BAZ1B: variants seen among roughly 807,000 people sequenced by gnomAD.
The protein encoded by BAZ1B is bromodomain adjacent to zinc finger domain 1B, also known as tyrosine-protein kinase BAZ1B.
In BAZ1B, 22 loss-of-function variants were observed where a neutral mutation model predicts 153.8. That is an observed-to-expected ratio of 0.14 (90% CI 0.10 to 0.20). The LOEUF (loss-of-function observed/expected upper bound fraction) is 0.20. Ranked by LOEUF, BAZ1B falls within the 10% of genes least tolerant of loss-of-function variation. BAZ1B has a pLI of 1.00. For missense variants in BAZ1B, 1,325 were observed against 1,799.3 expected (o/e 0.74, Z 4.77); for synonymous variants, 676 against 633.4 (o/e 1.07, Z -1.01).
At chr7:73,521,385 G>C (rs1308617979) in intron 1 of BAZ1B, among the ~76,000 whole-genome samples, 1 of 152,144 alleles carries the variant, frequency 6.6e-6, no homozygotes, top group Non-Finnish European at 1.5e-5. Context: ...ACGAGGCCGC[G>C]CGAGTACAAT....
At chr7:73,458,496 T>C (rs799218) in intron 13 of BAZ1B, among the ~76,000 whole-genome samples, 1,903 of 151,972 alleles carry the variant, frequency 0.013, 42 homozygotes, top group African/African-American at 0.044. Context: ...GCCAACATGG[T>C]GAAACCCCGT....
chr7:73,515,589 G>A (rs1471956535), intron 1 of BAZ1B, among the ~76,000 whole-genome samples: 3 of 145,844 alleles, frequency 2.1e-5, no homozygotes, highest in African/African-American at 7.7e-5. Flanking sequence ...CCAAGCTGGA[G>A]TGCAATAGCA....
Position 73,441,685 on chromosome 7 carries a change from T to C in BAZ1B, c.*24A>G, listed in dbSNP as rs1217675242. The C allele has an allele frequency of 1.3e-5, 2 of 157,536 alleles. No individual in the cohort carries two copies. The highest frequency in any genetic ancestry group is 4.8e-5 in the African/African-American group (2 of 41,510). The allele number at this position is 157,536 out of a possible 1,614,324, so 9.8% of individuals were successfully genotyped here. ...CACAATTCTGTATGGCACTCACTGATACTGTCACCTGAGAGGAAGACGGGG... is the reference window on the plus strand; with the variant it reads ...CACAATTCTGTATGGCACTCACTGACACTGTCACCTGAGAGGAAGACGGGG... On this transcript the variant is annotated 3_prime_UTR_variant, in exon 20 of 20. Transcript: ENST00000339594.
intron 3 of BAZ1B, among the ~76,000 whole-genome samples, chr7:73,504,531 G>A (rs931613482): frequency 2.0e-5 from 3 of 152,124 alleles, no homozygotes; most frequent in Non-Finnish European, 4.4e-5. Context: ...AGGCATGGTG[G>A]CAGGTGCCTG....
chr7:73,466,619 G>A (rs1554571193), intron 9 of BAZ1B, among the ~76,000 whole-genome samples: 1 of 152,120 alleles, frequency 6.6e-6, no homozygotes, highest in African/African-American at 2.4e-5. Context: ...AAGTGGAATC[G>A]TTACACAGTT....
In BAZ1B at chr7:73,506,356, G is replaced by A. The variant is rs534514878; in HGVS notation, c.369+1971C>T. Reference sequence around the variant, plus strand: ...TATTAAAAATACAAAAAAATTAGCCGGGGGTGGTGGTGGGCACCTGTAGTC... The same window carrying A: ...TATTAAAAATACAAAAAAATTAGCCAGGGGTGGTGGTGGGCACCTGTAGTC... On this transcript the variant is annotated intron_variant, in intron 3 of 19. Transcript: ENST00000339594. Among the ~76,000 whole-genome samples the A allele has an allele frequency of 3.0e-3, 450 of 152,002 alleles. 2 individuals carry two copies. Among genetic ancestry groups the A allele is most frequent in the African/African-American group, 0.01 (435 of 41,454 alleles).
At chr7:73,476,517 G>A (rs1789007546) in intron 7 of BAZ1B, among the ~76,000 whole-genome samples, 1 of 152,188 alleles carries the variant, frequency 6.6e-6, no homozygotes, top group Admixed American at 6.5e-5. Context: ...TCTGCCCAAA[G>A]GAACACTGTA....
chr7:73,449,115 G>A (rs182672896), intron 15 of BAZ1B, among the ~76,000 whole-genome samples: 27 of 152,274 alleles, frequency 1.8e-4, no homozygotes, highest in Middle Eastern at 3.4e-3. Flanking sequence ...GGATGAGGGA[G>A]AGATGTTCAT....
In BAZ1B at chr7:73,476,889, T is replaced by C; in HGVS notation, c.2572A>G (p.Ile858Val). Residue 858 changes from isoleucine (I) to valine (V), a missense_variant, in exon 7 of 20, where the codon ATC becomes GTC. Ile to Val is a conservative substitution (Grantham distance 29). Coordinates refer to ENST00000339594, the MANE Select transcript of BAZ1B (RefSeq NM_032408.4). ...LAIQAKKEREIQEREMKVKLE... is the reference protein window; with the variant it reads ...LAIQAKKEREVQEREMKVKLE... ...TTACCTTTCATTTCTCTTTCCTGGA[T>C]TTCCCGTTCCTTCTTAGCTTGAATG... 1 of 1,597,908 alleles carries C rather than the reference T, an allele frequency of 6.3e-7. No individual in the cohort carries two copies. Among genetic ancestry groups the C allele is most frequent in the South Asian group, 1.1e-5 (1 of 87,148 alleles).
chr7:73,507,773 C>T (rs1007717890), intron 3 of BAZ1B, among the ~76,000 whole-genome samples: 8 of 149,602 alleles, frequency 5.3e-5, no homozygotes, highest in South Asian at 2.1e-4. Context: ...CTGAGGTGGG[C>T]GGACGGCTTA....
intron 6 of BAZ1B, among the ~76,000 whole-genome samples, chr7:73,481,780 G>T (rs550042906): frequency 6.6e-5 from 10 of 152,178 alleles, no homozygotes; most frequent in Non-Finnish European, 8.8e-5. Context: ...GCTCACGCCT[G>T]TAATCCCAGC....
Position 73,441,224 on chromosome 7 carries a change from CTG to C in BAZ1B, c.*483_*484del, listed in dbSNP as rs1787603266. ...TAGAGCAAACACATTATCATAGAAA[CTG>C]TACTGTACATGTGCTAAAGCAAGAT... On this transcript the variant is annotated 3_prime_UTR_variant, in exon 20 of 20. Coordinates refer to ENST00000339594, the MANE Select transcript of BAZ1B (RefSeq NM_032408.4). 6.6e-6 allele frequency: 1 copy of C among 152,670 alleles called. No individual in the cohort carries two copies. Among genetic ancestry groups the C allele is most frequent in the Non-Finnish European group, 1.5e-5 (1 of 68,062 alleles). 9.5% of individuals were successfully genotyped at this position (152,670 alleles called of 1,614,324 possible).
intron 1 of BAZ1B, 39 bp from the exon 2 acceptor site, chr7:73,510,891 A>T (rs1022361620): frequency 1.3e-6 from 2 of 1,544,888 alleles, no homozygotes; most frequent in Non-Finnish European, 1.8e-6. Flanking sequence ...TGCAAGCAAC[A>T]GAGACGACAA....
intron 1 of BAZ1B, among the ~76,000 whole-genome samples, chr7:73,511,912 T>C (rs531515577): frequency 6.8e-6 from 1 of 148,106 alleles, no homozygotes; most frequent in Non-Finnish European, 1.5e-5. Flanking sequence ...ATGCCTGTAA[T>C]CCCAGCTACT....
chr7:73,484,407 C>T (rs1015951471), intron 6 of BAZ1B, among the ~76,000 whole-genome samples: 4 of 151,836 alleles, frequency 2.6e-5, no homozygotes, highest in Non-Finnish European at 4.4e-5. Flanking sequence ...GGGGTCGAGG[C>T]GGGGAAGGAT....
chr7:73,517,303 G>C (rs1364775687), intron 1 of BAZ1B, among the ~76,000 whole-genome samples: 1 of 151,998 alleles, frequency 6.6e-6, no homozygotes, highest in Non-Finnish European at 1.5e-5. Context: ...GACCAGCCGG[G>C]GCAACTTTGC....
intron 13 of BAZ1B, among the ~76,000 whole-genome samples, chr7:73,454,618 A>C (rs531436861): frequency 1.3e-5 from 2 of 152,190 alleles, no homozygotes; most frequent in Non-Finnish European, 2.9e-5. Flanking sequence ...TCAGTGACAA[A>C]GAGCCCAATT....
chr7:73,455,492 C>T (rs1016439833), intron 13 of BAZ1B, among the ~76,000 whole-genome samples: 1 of 152,122 alleles, frequency 6.6e-6, no homozygotes, highest in Admixed American at 6.6e-5. Flanking sequence ...AATTAAAAGA[C>T]CAAATGTGGC....
At position 73,449,687 on chromosome 7, in the gene BAZ1B, C is replaced by T. The variant is rs1195726304; in HGVS notation, c.3583G>A (p.Glu1195Lys). ...TCACACAAGATCAATTTGTCATCCT[C>T]ACCTGCAGAGAGATAAATGTGAATA... ...ARCKVCRKKG[E>K]DDKLILCDEC... Residue 1195 changes from glutamate to lysine, a missense_variant and splice_region_variant, in exon 15 of 20, where the codon GAG (glutamate) becomes AAG (lysine). Glu to Lys is a moderately conservative substitution (Grantham distance 56, BLOSUM62 1). Around this residue, in one of 9 missense-constraint regions of BAZ1B, gnomAD observed 21 missense variants for 58.3 expected, o/e 0.36. Coordinates refer to ENST00000339594, the MANE Select transcript of BAZ1B (RefSeq NM_032408.4). 6.2e-7 allele frequency: 1 copy of T among 1,613,684 alleles called. No homozygotes were observed. Among genetic ancestry groups the T allele is most frequent in the African/African-American group, 1.3e-5 (1 of 74,890 alleles).
Sources: gnomAD v4.1 joint callset for allele counts (sites outside exome capture counted in the v4.1 genomes callset) on GRCh38, gnomAD v4.1.1 for gene constraint, gnomAD v4.1.1 regional missense constraint, MANE v1.5 for transcripts, NCBI Gene and HGNC (gene_info 2026-07-23, HGNC 2026-07-21) for gene names.